Variants in UBE4B observed in about 807,000 individuals in gnomAD.
UBE4B encodes ubiquitination factor E4B.
UBE4B carries 27 observed loss-of-function variants against 148.1 expected under a neutral mutation model. That is an observed-to-expected ratio of 0.18 (90% CI 0.13 to 0.25). UBE4B has a LOEUF of 0.25. UBE4B is among the 10% of genes least tolerant of loss of function. UBE4B has a pLI of 1.00. For synonymous variants in UBE4B, 596 were observed against 619.3 expected, an observed-to-expected ratio of 0.96 and a Z score of 0.56; for missense variants, 1,170 against 1,662.4, an observed-to-expected ratio of 0.70 and a Z score of 5.15.
chr1:10,147,609 C>T (rs1335542927), intron 19 of UBE4B, among the ~76,000 whole-genome samples: 2 of 152,188 alleles, frequency 1.3e-5, no homozygotes, highest in Non-Finnish European at 2.9e-5. Flanking sequence ...CAAATGTCAA[C>T]ACCTGTTATT....
chr1:10,113,941 T>A (rs1436595108), intron 7 of UBE4B, among the ~76,000 whole-genome samples: 1 of 151,946 alleles, frequency 6.6e-6, no homozygotes, highest in East Asian at 1.9e-4. Context: ...GGCGTGTGCC[T>A]GTAGTCCCAG....
chr1:10,100,073 T>C (rs924943104), intron 3 of UBE4B, among the ~76,000 whole-genome samples: 2 of 152,134 alleles, frequency 1.3e-5, no homozygotes, highest in Non-Finnish European at 2.9e-5. Flanking sequence ...CACTGCGAGC[T>C]CTGCCTCCCG....
In UBE4B at chr1:10,158,446, A is replaced by G. The variant is rs754431540; in HGVS notation, c.3017A>G (p.Asn1006Ser). The G allele has an allele frequency of 8.1e-6, 13 of 1,614,048 alleles. No homozygotes were observed. The highest frequency in any genetic ancestry group is 1.1e-5 in the Non-Finnish European group (13 of 1,180,038). ...ACCATTTTTAAAAGCCTTTGGCAAA[A>G]CATAGCTCACCATGGCACCTTTATG... ...ISTIFKSLWQ[N>S]IAHHGTFMEE... Residue 1006 changes from asparagine to serine, a missense_variant, in exon 22 of 28, where the codon AAC becomes AGC. By Grantham distance (46) the Asn-to-Ser change is conservative. Coordinates refer to ENST00000343090, the MANE Select transcript of UBE4B (RefSeq NM_001105562.3).
chr1:10,084,808 C>T (rs1644739903), intron 2 of UBE4B, among the ~76,000 whole-genome samples: 3 of 151,700 alleles, frequency 2.0e-5, no homozygotes, highest in Non-Finnish European at 2.9e-5. Context: ...AGCAATTCTA[C>T]TGCCTTAGCC....
chr1:10,091,677 C>T (rs1367833981), intron 2 of UBE4B, among the ~76,000 whole-genome samples: 1 of 152,088 alleles, frequency 6.6e-6, no homozygotes, highest in African/African-American at 2.4e-5. Flanking sequence ...GCGATCTTGG[C>T]CCACTGCAAC....
intron 23 of UBE4B, among the ~76,000 whole-genome samples, chr1:10,166,968 CACAAAAA>C (rs1162239256): frequency 2.2e-5 from 3 of 133,404 alleles, no homozygotes; most frequent in African/African-American, 9.5e-5. Flanking sequence ...CACACACACA[CACAAAAA>C]AAAAAAATTA....
chr1:10,070,855 TTG>T (rs1644472467), intron 1 of UBE4B, among the ~76,000 whole-genome samples: 2 of 152,172 alleles, frequency 1.3e-5, no homozygotes, highest in African/African-American at 4.8e-5. Context: ...ATGGTTAAAT[TTG>T]TGTCTTAGTG....
chr1:10,054,043 G>A (rs566184531), intron 1 of UBE4B, among the ~76,000 whole-genome samples: 1 of 151,364 alleles, frequency 6.6e-6, no homozygotes, highest in Admixed American at 6.6e-5. Context: ...TTGTTGTTGG[G>A]GTAGTAATTA....
rs1400248963 is a variant in UBE4B at position 10,069,368 on chromosome 1, C to T, written c.25-2660C>T. ...GACACTGTTCTAGGCACTGGTGCAACGGAAGTTCTTGCTTTTAAGAAACTT... is the reference window on the plus strand; with the variant it reads ...GACACTGTTCTAGGCACTGGTGCAATGGAAGTTCTTGCTTTTAAGAAACTT... On this transcript the variant is annotated intron_variant, in intron 1 of 27. Coordinates refer to ENST00000343090, the MANE Select transcript of UBE4B (RefSeq NM_001105562.3). 3.9e-5 allele frequency among the ~76,000 whole-genome samples: 6 copies of T among 152,124 alleles called. 1 individual carries two copies. In the South Asian group the frequency reaches 1.0e-3, roughly 26 times the overall value.
At chr1:10,085,137 A>G (rs1350589428) in intron 2 of UBE4B, among the ~76,000 whole-genome samples, 1 of 152,196 alleles carries the variant, frequency 6.6e-6, no homozygotes, top group South Asian at 2.1e-4. Flanking sequence ...GAGCCTTAAC[A>G]TTAAGCCCTA....
At chr1:10,176,789 T>TC (rs1324735665) in intron 25 of UBE4B, among the ~76,000 whole-genome samples, 3 of 144,536 alleles carry the variant, frequency 2.1e-5, no homozygotes, top group Admixed American at 1.4e-4. Context: ...TTTTTCTTTT[T>TC]TTTTTTTTTT....
intron 7 of UBE4B, among the ~76,000 whole-genome samples, chr1:10,112,164 C>T (rs375763191): frequency 2.1e-3 from 321 of 152,228 alleles, no homozygotes; most frequent in Non-Finnish European, 3.4e-3. Flanking sequence ...GGATGCAGCT[C>T]TGTTTCTATT....
Position 10,095,589 on chromosome 1 carries a change from G to A in UBE4B, c.340G>A (p.Glu114Lys). ...QSMDIDGVSC[E>K]KSMSQVDVDS... ...CATGGATATCGATGGTGTCTCATGTGAGAAAAGGTAAAATGAAGCCAGTTT... is the reference window on the plus strand; with the variant it reads ...CATGGATATCGATGGTGTCTCATGTAAGAAAAGGTAAAATGAAGCCAGTTT... Residue 114 changes from glutamate (E) to lysine (K), a missense_variant, in exon 3 of 28, where the codon GAG becomes AAG. By Grantham distance (56) the Glu-to-Lys change is moderately conservative. Coordinates refer to ENST00000343090, the MANE Select transcript of UBE4B (RefSeq NM_001105562.3). 6.2e-7 allele frequency: 1 copy of A among 1,613,852 alleles called. No homozygotes were observed. Among genetic ancestry groups the A allele is most frequent in the Non-Finnish European group, 8.5e-7 (1 of 1,179,960 alleles).
chr1:10,169,302 C>T (rs957511709), intron 24 of UBE4B, among the ~76,000 whole-genome samples: 17 of 152,174 alleles, frequency 1.1e-4, no homozygotes, highest in Non-Finnish European at 2.4e-4. Context: ...TGGAATATGA[C>T]GTTACTGCAT....
At position 10,033,710 on chromosome 1, in the gene UBE4B, G is replaced by GA; in HGVS notation, c.24+17dup. 1 of 1,559,134 alleles carries GA rather than the reference G, an allele frequency of 6.4e-7. No individual in the cohort carries two copies. Among genetic ancestry groups the GA allele is most frequent in the African/African-American group, 1.4e-5 (1 of 71,888 alleles). On this transcript the variant is annotated intron_variant, in intron 1 of 27. Transcript: ENST00000343090. ...CGCTGATGAGGTGAGGAGGTTGGGG[G>GA]ACACCTTGAGGGATTAGTTGGCAAC...
intron 1 of UBE4B, among the ~76,000 whole-genome samples, chr1:10,068,583 T>A (rs1176520500): frequency 1.3e-5 from 2 of 151,406 alleles, no homozygotes; most frequent in Non-Finnish European, 2.9e-5. Context: ...ACTCCTGACC[T>A]CGGGCCATCT....
chr1:10,125,190 A>C (rs557660791), intron 10 of UBE4B, among the ~76,000 whole-genome samples: 8 of 152,382 alleles, frequency 5.2e-5, no homozygotes, highest in Non-Finnish European at 1.0e-4. Flanking sequence ...AATGCACAAA[A>C]GGATAACTAT....
rs561353406 is a variant in UBE4B at position 10,034,157 on chromosome 1, CAT to C, written c.24+468_24+469del. Reference sequence around the variant, plus strand: ...ATTGCACTGTATAAGCTTGATTAAACATATATTTTTGCTTGAGGGGTGGTTTA... The same window carrying C: ...ATTGCACTGTATAAGCTTGATTAAACATATTTTTGCTTGAGGGGTGGTTTA... On this transcript the variant is annotated intron_variant, in intron 1 of 27. Coordinates refer to ENST00000343090, the MANE Select transcript of UBE4B (RefSeq NM_001105562.3). Among the ~76,000 whole-genome samples, 35 of 152,250 alleles carry C rather than the reference CAT, an allele frequency of 2.3e-4. 1 individual carries two copies. The South Asian group carries it at 6.2e-3, about 27-fold the overall frequency.
chr1:10,054,470 C>T (rs1644121422), intron 1 of UBE4B: 1 of 427,614 alleles, frequency 2.3e-6, no homozygotes, highest in South Asian at 2.0e-5. Flanking sequence ...TAATAGGTTC[C>T]AGCAGCTCAG....
Sources: gnomAD v4.1 joint callset for allele counts (sites outside exome capture counted in the v4.1 genomes callset) on GRCh38, gnomAD v4.1.1 for gene constraint, MANE v1.5 for transcripts, NCBI Gene and HGNC (gene_info 2026-07-23, HGNC 2026-07-21) for gene names.